CRACDL: variants seen among roughly 807,000 people sequenced by gnomAD.
The protein encoded by CRACDL is CRACD like, also known as CRACD-like protein.
CRACDL carries 26 observed loss-of-function variants against 70.6 expected under a neutral mutation model. The ratio of observed to expected loss-of-function variants is 0.37; its 90% CI spans 0.27 to 0.51. The LOEUF is 0.51. Ranked by LOEUF, CRACDL falls within the 20% of genes least tolerant of loss-of-function variation. CRACDL has a pLI of 0.94. For missense variants in CRACDL, 1,283 were observed against 1,376.9 expected, an observed-to-expected ratio of 0.93 and a Z score of 1.08; for synonymous variants, 618 against 615.2, an observed-to-expected ratio of 1.00 and a Z score of -0.07.
chr2:98,853,263 C>T (rs1706556730), intron 1 of CRACDL, among the ~76,000 whole-genome samples: 1 of 152,002 alleles, frequency 6.6e-6, no homozygotes, highest in African/African-American at 2.4e-5. Context: ...AGAAAAATGA[C>T]ACATCATAAA....
chr2:98,808,388 G>C (rs1704410910), intron 7 of CRACDL, among the ~76,000 whole-genome samples: 1 of 152,166 alleles, frequency 6.6e-6, no homozygotes, highest in African/African-American at 2.4e-5. Context: ...CCAGGTGACC[G>C]CAAGTTGCAG....
chr2:98,924,253 G>A (rs1708864190), intron 1 of CRACDL, among the ~76,000 whole-genome samples: 1 of 152,142 alleles, frequency 6.6e-6, no homozygotes, highest in East Asian at 1.9e-4. Flanking sequence ...CAGACCCTGG[G>A]CTGGAGCTGC....
In CRACDL at chr2:98,823,919, T is replaced by C. The variant is rs1705201761; in HGVS notation, c.736-382A>G. On this transcript the variant is annotated intron_variant, in intron 6 of 9. Coordinates refer to ENST00000397899, the MANE Select transcript of CRACDL (RefSeq NM_207362.3). The surrounding 1 kb of genome is among the most constrained non-coding windows in gnomAD (Gnocchi z 4.0). ...ATCCCAGTGAGGAAGGGATGATGAGTCCCTTTTTGCACTTGAGAGCCAGGA... is the reference window on the plus strand; with the variant it reads ...ATCCCAGTGAGGAAGGGATGATGAGCCCCTTTTTGCACTTGAGAGCCAGGA... 6.6e-6 allele frequency among the ~76,000 whole-genome samples: 1 copy of C among 152,110 alleles called. No individual in the cohort carries two copies. The highest frequency in any genetic ancestry group is 6.6e-5 in the Admixed American group (1 of 15,262).
In CRACDL at chr2:98,935,998, G is replaced by T. The variant is rs896844108; in HGVS notation, c.-71C>A. ...CGCAGAGAAGGGCACCTTCCGCGGG[G>T]TGCGGCGAGCCGGGGCTGCTCCCGC... On this transcript the variant is annotated 5_prime_UTR_variant, in exon 1 of 10. Transcript: ENST00000397899. 9 of 152,136 alleles carry T rather than the reference G, an allele frequency of 5.9e-5. No homozygotes were observed. Among genetic ancestry groups the T allele is most frequent in the African/African-American group, 9.6e-5 (4 of 41,454 alleles). 9.4% of individuals were successfully genotyped at this position (152,136 alleles called of 1,614,324 possible).
chr2:98,898,356 G>A (rs1708182344), intron 1 of CRACDL, among the ~76,000 whole-genome samples: 1 of 152,252 alleles, frequency 6.6e-6, no homozygotes, highest in Admixed American at 6.5e-5. Flanking sequence ...CATGCCCACA[G>A]TAAAAGCATC....
intron 1 of CRACDL, among the ~76,000 whole-genome samples, chr2:98,889,590 T>C (rs373264691): frequency 9.5e-4 from 144 of 152,302 alleles, no homozygotes; most frequent in African/African-American, 3.3e-3. Context: ...CCTACTTCAA[T>C]AATTCATAGA....
intron 1 of CRACDL, among the ~76,000 whole-genome samples, chr2:98,854,297 A>AAAG (rs1553561466): frequency 1.3e-5 from 2 of 148,974 alleles, no homozygotes; most frequent in African/African-American, 5.0e-5. Flanking sequence ...AAAAAAAAAA[A>AAAG]AAAGAAAGAA....
chr2:98,930,338 T>C (rs1422974867), intron 1 of CRACDL, among the ~76,000 whole-genome samples: 4 of 44,592 alleles, frequency 9.0e-5, no homozygotes, highest in African/African-American at 4.4e-4. Context: ...CCCCACCCTC[T>C]GTACCGTGTC....
intron 7 of CRACDL, among the ~76,000 whole-genome samples, chr2:98,808,605 T>C (rs915817562): frequency 1.3e-5 from 2 of 152,000 alleles, no homozygotes; most frequent in African/African-American, 4.8e-5. Flanking sequence ...GTGCCCCTGG[T>C]CCCCAGGACA....
intron 1 of CRACDL, among the ~76,000 whole-genome samples, chr2:98,880,646 G>A (rs572457979): frequency 1.8e-4 from 28 of 152,234 alleles, no homozygotes; most frequent in Admixed American, 1.3e-3. Context: ...TTCTCTGGCC[G>A]CGAGGTCAGG....
intron 1 of CRACDL, among the ~76,000 whole-genome samples, chr2:98,901,881 A>T (rs1708291042): frequency 6.6e-6 from 1 of 151,664 alleles, no homozygotes. Flanking sequence ...CATCAGGATC[A>T]AACACAGCCC....
chr2:98,859,587 G>A (rs1006551989), intron 1 of CRACDL, among the ~76,000 whole-genome samples: 18 of 152,158 alleles, frequency 1.2e-4, no homozygotes, highest in African/African-American at 4.1e-4. Context: ...TACAGAAAAA[G>A]CACTTGACAA....
At chr2:98,921,919 C>T (rs1025533297) in intron 1 of CRACDL, among the ~76,000 whole-genome samples, 30 of 152,126 alleles carry the variant, frequency 2.0e-4, no homozygotes, top group Non-Finnish European at 5.9e-5. Flanking sequence ...ATTACTTTCT[C>T]GGACCCCATG....
At position 98,832,478 on chromosome 2, in the gene CRACDL, G is replaced by C. The variant is rs1160223540; in HGVS notation, c.410C>G (p.Pro137Arg). Reference sequence around the variant, plus strand: ...GGCAGGAAGCCCCCCTGGAGGAGGTGGTGGCCCCATTTTCACATTACACTG... The same window carrying C: ...GGCAGGAAGCCCCCCTGGAGGAGGTCGTGGCCCCATTTTCACATTACACTG... ...KIQCNVKMGP[P>R]PPPGGLPAKR... The change falls in exon 5 of 10, where the codon CCA becomes CGA. Residue 137 changes from proline to arginine, a missense_variant. This residue lies in a region of CRACDL where 362 missense variants were observed against 495.0 expected (regional missense o/e 0.73). Transcript: ENST00000397899. The C allele has an allele frequency of 1.2e-6, 2 of 1,612,066 alleles. No individual in the cohort carries two copies. Among genetic ancestry groups the C allele is most frequent in the African/African-American group, 2.7e-5 (2 of 74,864 alleles).
intron 1 of CRACDL, among the ~76,000 whole-genome samples, chr2:98,914,589 G>A (rs1377123818): frequency 2.0e-5 from 3 of 152,206 alleles, no homozygotes; most frequent in Admixed American, 2.0e-4. Flanking sequence ...AAAGACAGGA[G>A]CTTGCGCAGG....
chr2:98,875,093 C>A (rs759439043), intron 1 of CRACDL, among the ~76,000 whole-genome samples: 1 of 152,202 alleles, frequency 6.6e-6, no homozygotes, highest in Admixed American at 6.5e-5. Context: ...AAACCACATT[C>A]GCAGGAATGC....
At chr2:98,916,901 C>T (rs1302207590) in intron 1 of CRACDL, among the ~76,000 whole-genome samples, 1 of 152,216 alleles carries the variant, frequency 6.6e-6, no homozygotes, top group Non-Finnish European at 1.5e-5. Flanking sequence ...TCACCCAAAC[C>T]ATCTCCTTTG....
intron 9 of CRACDL, among the ~76,000 whole-genome samples, chr2:98,794,932 T>C (rs1335946408): frequency 6.6e-6 from 1 of 151,472 alleles, no homozygotes; most frequent in Middle Eastern, 3.2e-3. Context: ...GCAGGAGCTC[T>C]ACAGATGGGC....
chr2:98,897,119 C>T (rs926456847), intron 1 of CRACDL, among the ~76,000 whole-genome samples: 2 of 152,064 alleles, frequency 1.3e-5, no homozygotes, highest in Admixed American at 6.5e-5. Flanking sequence ...CCTTTATAGC[C>T]ACACACTCTT....
Sources: gnomAD v4.1 joint callset for allele counts (sites outside exome capture counted in the v4.1 genomes callset) on GRCh38, gnomAD v4.1.1 for gene constraint, gnomAD v4.1.1 regional missense constraint, Gnocchi (gnomAD v3.1) non-coding constraint, MANE v1.5 for transcripts, NCBI Gene and HGNC (gene_info 2026-07-23, HGNC 2026-07-21) for gene names.